Variants in SLC22A4 observed in about 807,000 individuals in gnomAD.
The protein encoded by SLC22A4 is solute carrier family 22 member 4, also known as ET transporter.
SLC22A4 carries 39 observed loss-of-function variants against 56.6 expected under a neutral mutation model. The ratio of observed to expected loss-of-function variants is 0.69; its 90% CI spans 0.53 to 0.90. The LOEUF is 0.90. SLC22A4 is among the 40% of genes least tolerant of loss of function. The pLI is 0.00. For missense variants in SLC22A4, 594 were observed against 696.5 expected (o/e 0.85, Z 1.66); for synonymous variants, 241 against 281.4 (o/e 0.86, Z 1.44).
chr5:132,335,864 G>C lies in SLC22A4; in HGVS notation c.1308G>C (p.Gly436=). 4 of 1,614,078 alleles carry C rather than the reference G, an allele frequency of 2.5e-6. No individual in the cohort carries two copies. The highest frequency in any genetic ancestry group is 1.6e-4 in the Middle Eastern group (1 of 6,062). Residue 436 remains glycine (G), a synonymous_variant, in exon 8 of 10, where the codon GGG becomes GGC. Transcript: ENST00000200652. ...GTCTGGTCATGCTGGGAAAATTTGG[G>C]ATCACCTCTGCTTTCTCCATGCTGT... ...SIGLVMLGKF[G]ITSAFSMLYV...
chr5:132,296,910 C>T (rs1341151183), intron 1 of SLC22A4, among the ~76,000 whole-genome samples: 1 of 152,220 alleles, frequency 6.6e-6, no homozygotes, highest in African/African-American at 2.4e-5. Context: ...ACGCTGTTCA[C>T]AGGGACCTCT....
intron 8 of SLC22A4, 88 bp from the exon 9 acceptor site, chr5:132,340,477 A>G (rs1019382702): frequency 8.2e-7 from 1 of 1,216,198 alleles, no homozygotes; most frequent in African/African-American, 1.5e-5. Flanking sequence ...ATTCTCTTAT[A>G]CTGTTCACCA....
chr5:132,343,869 C>A lies in SLC22A4; in HGVS notation c.*34C>A. On this transcript the variant is annotated 3_prime_UTR_variant, in exon 10 of 10. Coordinates refer to ENST00000200652, the MANE Select transcript of SLC22A4 (RefSeq NM_003059.3). ...CTACCCCATTTGGTGAAGTGAAAAA[C>A]AGAAAAATAAGACCCTGTGGAGAAA... 7.3e-7 allele frequency: 1 copy of A among 1,377,726 alleles called. No homozygotes were observed. Among genetic ancestry groups the A allele is most frequent in the Non-Finnish European group, 1.0e-6 (1 of 970,800 alleles). 85.3% of individuals were successfully genotyped at this position (1,377,726 alleles called of 1,614,324 possible).
At chr5:132,300,260 A>G (rs1334714062) in intron 1 of SLC22A4, among the ~76,000 whole-genome samples, 1 of 152,208 alleles carries the variant, frequency 6.6e-6, no homozygotes, top group Non-Finnish European at 1.5e-5. Context: ...GTTAACCTTG[A>G]TCATTTGTCA....
intron 7 of SLC22A4, 123 bp downstream of exon 7, chr5:132,335,055 G>C (rs1750980702): frequency 8.0e-6 from 6 of 752,708 alleles, no homozygotes; most frequent in Non-Finnish European, 1.4e-5. Flanking sequence ...AAGTCAATTA[G>C]ACAGGTGATT....
chr5:132,333,038 G>A (rs558352239), intron 6 of SLC22A4, among the ~76,000 whole-genome samples: 1 of 152,240 alleles, frequency 6.6e-6, no homozygotes, highest in African/African-American at 2.4e-5. Flanking sequence ...AAATCACTAA[G>A]ATCCCTTGAG....
At chr5:132,300,882 C>A (rs1427495408) in intron 1 of SLC22A4, among the ~76,000 whole-genome samples, 1 of 152,198 alleles carries the variant, frequency 6.6e-6, no homozygotes, top group African/African-American at 2.4e-5. Context: ...GAAGGAAGTG[C>A]CCCAAGCAAC....
chr5:132,316,086 G>A (rs571166767), intron 3 of SLC22A4, among the ~76,000 whole-genome samples: 3 of 152,322 alleles, frequency 2.0e-5, no homozygotes, highest in Admixed American at 2.0e-4. Flanking sequence ...TGTGGTCTGG[G>A]CTGAGGAGTT....
chr5:132,314,279 C>A, intron 3 of SLC22A4, among the ~76,000 whole-genome samples: 1 of 152,282 alleles, frequency 6.6e-6, no homozygotes, highest in South Asian at 2.1e-4. Context: ...CACCCCAGAG[C>A]CTATCAGCTA....
At position 132,294,988 on chromosome 5, in the gene SLC22A4, C is replaced by A. The variant is rs773132721; in HGVS notation, c.372C>A (p.Tyr124Ter). ...GCTGGGAGTTCAGCCAGGACGTCTA[C>A]CTGTCCACCGTCGTGACCGAGGTGG... ...LDGWEFSQDV[Y>*]LSTVVTEWNL... The change falls in exon 1 of 10, where the codon TAC becomes TAA. Residue 124 changes from tyrosine (Y) to a stop codon, truncating the protein, a stop_gained. Transcript: ENST00000200652. LOFTEE classifies it high-confidence loss of function. The surrounding 1 kb of genome is among the most constrained non-coding windows in gnomAD (Gnocchi z 5.6). 6.2e-7 allele frequency: 1 copy of A among 1,607,592 alleles called. No individual in the cohort carries two copies. The highest frequency in any genetic ancestry group is 8.5e-7 in the Non-Finnish European group (1 of 1,177,692).
chr5:132,341,950 A>G (rs1248136373), intron 9 of SLC22A4, among the ~76,000 whole-genome samples: 3 of 152,196 alleles, frequency 2.0e-5, no homozygotes, highest in Non-Finnish European at 2.9e-5. Context: ...CCGTCTCCAA[A>G]AAAAAAACAC....
chr5:132,330,604 T>C (rs562006621), intron 5 of SLC22A4, among the ~76,000 whole-genome samples: 1 of 152,224 alleles, frequency 6.6e-6, no homozygotes, highest in South Asian at 2.1e-4. Context: ...CAGGTGCCTG[T>C]AATCCCAGCT....
intron 1 of SLC22A4, among the ~76,000 whole-genome samples, chr5:132,308,742 C>A (rs1424842790): frequency 6.6e-6 from 1 of 152,168 alleles, no homozygotes; most frequent in East Asian, 1.9e-4. Flanking sequence ...GTTGTGAGAA[C>A]CTTGGTCTGG....
rs1021414617 is a variant in SLC22A4, at chr5:132,343,898, G to C, written c.*63G>C. On this transcript the variant is annotated 3_prime_UTR_variant, in exon 10 of 10. Transcript: ENST00000200652. ...AAAATAAGACCCTGTGGAGAAATTC[G>C]TTGTTCCCACTGAAATGGACTGACT... 1 of 1,067,970 alleles carries C rather than the reference G, an allele frequency of 9.4e-7. No individual in the cohort carries two copies. The highest frequency in any genetic ancestry group is 2.4e-5 in the East Asian group (1 of 41,930). 66.2% of individuals were successfully genotyped at this position (1,067,970 alleles called of 1,614,324 possible). A position where few individuals can be genotyped will look rare whatever the true frequency, so the allele number is the denominator to read the frequency against.
intron 8 of SLC22A4, 133 bp from the exon 9 acceptor site, chr5:132,340,432 C>CT: frequency 2.7e-5 from 24 of 897,738 alleles, no homozygotes; most frequent in Non-Finnish European, 3.7e-5. Flanking sequence ...ATTTTGCTTA[C>CT]TTTTTTTTCT....
Position 132,294,744 on chromosome 5 carries a change from C to A in SLC22A4, c.128C>A (p.Ala43Glu). 1 of 1,613,932 alleles carries A rather than the reference C, an allele frequency of 6.2e-7. No homozygotes were observed. Among genetic ancestry groups the A allele is most frequent in the Non-Finnish European group, 8.5e-7 (1 of 1,180,036 alleles). ...AATGGTATGTCAGTCGTGTTCCTGG[C>A]GGGGACCCCGGAGCACCGCTGTCGA... ...GFNGMSVVFLAGTPEHRCRVP... is the reference protein window; with the variant it reads ...GFNGMSVVFLEGTPEHRCRVP... Residue 43 changes from alanine to glutamate, a missense_variant, in exon 1 of 10, where the codon GCG (alanine) becomes GAG (glutamate). Coordinates refer to ENST00000200652, the MANE Select transcript of SLC22A4 (RefSeq NM_003059.3). This position sits in a 1 kb window ranked among gnomAD's most constrained non-coding sequence, Gnocchi z 5.6.
In SLC22A4 at chr5:132,294,795, G is replaced by A; in HGVS notation, c.179G>A (p.Ser60Asn). ...GTGCCGGACGCCGCGAACCTGAGCAGCGCCTGGCGCAACAACAGTGTCCCG... is the reference window on the plus strand; with the variant it reads ...GTGCCGGACGCCGCGAACCTGAGCAACGCCTGGCGCAACAACAGTGTCCCG... The part of the protein sequence containing the change: ...CRVPDAANLS[S>N]AWRNNSVPLR... The change falls in exon 1 of 10, where the codon AGC becomes AAC. Residue 60 changes from serine (S) to asparagine (N), a missense_variant. By Grantham distance (46) the Ser-to-Asn change is conservative. Coordinates refer to ENST00000200652, the MANE Select transcript of SLC22A4 (RefSeq NM_003059.3). This position sits in a 1 kb window ranked among gnomAD's most constrained non-coding sequence, Gnocchi z 5.6. 6.2e-7 allele frequency: 1 copy of A among 1,613,096 alleles called. No individual in the cohort carries two copies. The highest frequency in any genetic ancestry group is 8.5e-7 in the Non-Finnish European group (1 of 1,179,972).
At chr5:132,306,384 A>AATATATATAT (rs55779142) in intron 1 of SLC22A4, among the ~76,000 whole-genome samples, 2 of 30,620 alleles carry the variant, frequency 6.5e-5, no homozygotes, top group Admixed American at 4.8e-4. Context: ...CAAACCGTGA[A>AATATATATAT]ATATATATAT....
At chr5:132,316,263 G>A (rs1271976990) in intron 3 of SLC22A4, among the ~76,000 whole-genome samples, 1 of 152,174 alleles carries the variant, frequency 6.6e-6, no homozygotes, top group African/African-American at 2.4e-5. Flanking sequence ...GGCTGCCACA[G>A]TCGTAGCAGA....
Sources: allele counts gnomAD v4.1 joint callset (sites outside exome capture counted in the v4.1 genomes callset), GRCh38; gene constraint gnomAD v4.1.1; non-coding constraint Gnocchi (gnomAD v3.1); transcripts MANE v1.5; gene names NCBI Gene and HGNC (gene_info 2026-07-23, HGNC 2026-07-21).